VPS13D: variants seen among roughly 807,000 people sequenced by gnomAD.
VPS13D encodes the protein intermembrane lipid transfer protein VPS13D.
A neutral mutation model predicts 461.9 loss-of-function variants in VPS13D; 187 were observed. That is an observed-to-expected ratio of 0.40 (90% CI 0.36 to 0.46). VPS13D has a LOEUF of 0.46. Among genes scored for constraint, VPS13D ranks in the 20% least tolerant of loss-of-function variants. VPS13D has a pLI of 0.60. For synonymous variants in VPS13D, 1,951 were observed against 1,986.3 expected, an observed-to-expected ratio of 0.98 and a Z score of 0.47; for missense variants, 4,711 against 5,364.9, an observed-to-expected ratio of 0.88 and a Z score of 3.81.
chr1:12,396,243 G>A (rs547017768), intron 60 of VPS13D, among the ~76,000 whole-genome samples: 16 of 151,742 alleles, frequency 1.1e-4, no homozygotes, highest in African/African-American at 2.2e-4. Context: ...CTGTAGGGCC[G>A]TTGGTTTTCA....
Position 12,277,114 on chromosome 1 carries a change from C to A in VPS13D, c.3526C>A (p.Leu1176Met). The A allele has an allele frequency of 2.5e-6, 4 of 1,614,220 alleles. No homozygotes were observed. Among genetic ancestry groups the A allele is most frequent in the Non-Finnish European group, 3.4e-6 (4 of 1,180,044 alleles). Residue 1176 changes from leucine to methionine, a missense_variant, in exon 19 of 70, where the codon CTG (leucine) becomes ATG (methionine). Physicochemically the swap from Leu to Met is conservative, Grantham distance 15 (BLOSUM62 2). Around this residue, in one of 3 missense-constraint regions of VPS13D, gnomAD observed 4,411 missense variants for 4,937.8 expected, o/e 0.89. Transcript: ENST00000620676. ...AGTGGAAATCCATAGGCTGAACTTA[C>A]TGCTTCTTCGGACAGTGGGCATGGC... Reference protein sequence around the residue: ...VAVEIHRLNLLLLRTVGMANR... With the variant: ...VAVEIHRLNLMLLRTVGMANR...
At chr1:12,479,387 T>A (rs1187526114) in intron 67 of VPS13D, among the ~76,000 whole-genome samples, 9 of 152,252 alleles carry the variant, frequency 5.9e-5, no homozygotes. Context: ...TCCAGATTGC[T>A]GCTTGTCTGC....
Position 12,382,033 on chromosome 1 carries a change from CTCTT to C in VPS13D, c.11191-926_11191-923del, listed in dbSNP as rs577199939. On this transcript the variant is annotated intron_variant, in intron 57 of 69. Transcript: ENST00000620676. Reference sequence around the variant, plus strand: ...TCTTCCTTCCTTCCTTCCTTTCTTTCTCTTTCTTTCTTTCTTTCTTCCCTTTCTT... The same window carrying C: ...TCTTCCTTCCTTCCTTCCTTTCTTTCTCTTTCTTTCTTTCTTCCCTTTCTT... Among the ~76,000 whole-genome samples the C allele has an allele frequency of 2.3e-3, 322 of 142,310 alleles. 1 individual carries two copies. Among genetic ancestry groups the C allele is most frequent in the Middle Eastern group, 0.011 (3 of 262 alleles). The allele number at this position is 142,310 out of a possible 152,430, so 93.4% of individuals were successfully genotyped here. A position where few individuals can be genotyped will look rare whatever the true frequency, so the allele number is the denominator to read the frequency against.
intron 42 of VPS13D, 75 bp from the exon 43 acceptor site, chr1:12,345,299 T>G: frequency 6.6e-7 from 1 of 1,513,292 alleles, no homozygotes; most frequent in Non-Finnish European, 9.0e-7. Context: ...CTAAATCAGA[T>G]TTGTGTCTTT....
At chr1:12,438,641 A>G (rs1645091791) in intron 65 of VPS13D, among the ~76,000 whole-genome samples, 1 of 152,166 alleles carries the variant, frequency 6.6e-6, no homozygotes, top group South Asian at 2.1e-4. Context: ...CATGAAACCT[A>G]AGATCTCACC....
intron 25 of VPS13D, among the ~76,000 whole-genome samples, chr1:12,300,198 T>G (rs2101459018): frequency 7.5e-6 from 1 of 133,486 alleles, no homozygotes; most frequent in Admixed American, 9.1e-5. Flanking sequence ...ATGTGTGGCA[T>G]TTGCTTTGCT....
In VPS13D at chr1:12,267,916, C is replaced by T; in HGVS notation, c.1797C>T (p.Tyr599=). 1.2e-6 allele frequency: 2 copies of T among 1,612,934 alleles called. No individual in the cohort carries two copies. Among genetic ancestry groups the T allele is most frequent in the East Asian group, 2.2e-5 (1 of 44,822 alleles). Residue 599 remains tyrosine, a synonymous_variant, in exon 15 of 70, where the codon TAC becomes TAT. Transcript: ENST00000620676. ...CATCTGCAGACAGAAGTGATCATTACCCAGGTAATTTGTCCTATGTTGTTT... is the reference window on the plus strand; with the variant it reads ...CATCTGCAGACAGAAGTGATCATTATCCAGGTAATTTGTCCTATGTTGTTT... ...QTTSADRSDH[Y]PAADPDGPVF... is the part of the protein sequence containing the mutation.
chr1:12,428,295 A>G (rs118016713), intron 65 of VPS13D, among the ~76,000 whole-genome samples: 1 of 152,322 alleles, frequency 6.6e-6, no homozygotes, highest in East Asian at 1.9e-4. Flanking sequence ...GTCCCTGGAT[A>G]CAGGCACAGG....
At chr1:12,237,621 C>T (rs950352900) in intron 2 of VPS13D, among the ~76,000 whole-genome samples, 4 of 151,504 alleles carry the variant, frequency 2.6e-5, no homozygotes, top group African/African-American at 9.7e-5. Flanking sequence ...AAGTTCAAGA[C>T]TAGCCTGGGC....
At position 12,400,307 on chromosome 1, in the gene VPS13D, A is replaced by G. The variant is rs1395780733; in HGVS notation, c.11761A>G (p.Ser3921Gly). 22 of 1,614,008 alleles carry G rather than the reference A, an allele frequency of 1.4e-5. No homozygotes were observed. Among genetic ancestry groups the G allele is most frequent in the Non-Finnish European group, 1.9e-5 (22 of 1,180,030 alleles). ...QVNAVKFPSK[S>G]ALTNIYKHLM... ...CAACGCAGTGAAGTTCCCCAGTAAG[A>G]GTGCACTGACCAACATCTACAAGGT... The change falls in exon 61 of 70, where the codon AGT becomes GGT. Residue 3921 changes from serine to glycine, a missense_variant. Ser to Gly is a moderately conservative substitution (Grantham distance 56). Coordinates refer to ENST00000620676, the MANE Select transcript of VPS13D (RefSeq NM_015378.4).
chr1:12,417,296 T>C (rs922673935), intron 65 of VPS13D, among the ~76,000 whole-genome samples: 1 of 152,216 alleles, frequency 6.6e-6, no homozygotes, highest in Non-Finnish European at 1.5e-5. Flanking sequence ...TGGACAGTGA[T>C]GTCATTCTCC....
chr1:12,405,878 A>G (rs998149752), intron 63 of VPS13D, among the ~76,000 whole-genome samples: 4 of 152,178 alleles, frequency 2.6e-5, no homozygotes, highest in African/African-American at 9.7e-5. Flanking sequence ...ACACCTCACT[A>G]TTCCCTTCAA....
At chr1:12,353,532 C>CAAAAAAAA (rs79787458) in intron 46 of VPS13D, among the ~76,000 whole-genome samples, 1 of 36,318 alleles carries the variant, frequency 2.8e-5, no homozygotes, top group African/African-American at 1.1e-4. Flanking sequence ...GACTGCATCT[C>CAAAAAAAA]AAAAAAAAAA....
At chr1:12,274,051 G>GC (rs1015794423) in intron 18 of VPS13D, among the ~76,000 whole-genome samples, 30 of 151,880 alleles carry the variant, frequency 2.0e-4, no homozygotes, top group African/African-American at 6.8e-4. Context: ...GTTTTTGTTT[G>GC]TTTTTTTGAG....
At chr1:12,311,646 T>A in intron 28 of VPS13D, 21 bp downstream of exon 28, 1 of 1,613,076 alleles carries the variant, frequency 6.2e-7, no homozygotes, top group South Asian at 1.1e-5. Flanking sequence ...CCTTATGTTC[T>A]TCTGTCACTC....
At chr1:12,318,030 T>A in intron 30 of VPS13D, 42 bp from the exon 31 acceptor site, 1 of 1,564,972 alleles carries the variant, frequency 6.4e-7, no homozygotes, top group Non-Finnish European at 8.7e-7. Context: ...AATAACCATG[T>A]TTCTTTTTTC....
chr1:12,408,236 C>A (rs1644680044), intron 63 of VPS13D, among the ~76,000 whole-genome samples: 1 of 152,166 alleles, frequency 6.6e-6, no homozygotes, highest in Non-Finnish European at 1.5e-5. Context: ...TGTGAAAATG[C>A]ACATATTCAA....
chr1:12,273,192 A>G (rs933983782), intron 18 of VPS13D, 57 bp downstream of exon 18: 15 of 1,560,604 alleles, frequency 9.6e-6, no homozygotes, highest in Non-Finnish European at 1.0e-5. Flanking sequence ...TGATCTATCT[A>G]TGATTATCTA....
chr1:12,342,922 G>A lies in VPS13D; in HGVS notation c.8756G>A (p.Ser2919Asn). The A allele has an allele frequency of 1.9e-6, 3 of 1,613,472 alleles. 1 individual carries two copies. The South Asian group carries it at 3.3e-5, about 18-fold the overall frequency. ...AGAGCTGCACTCTCTCACAGTGGGA[G>A]TCCAGGGGTAGTTCCAGAAGGGAAC... ...PTRAALSHSG[S>N]PGVVPEGNGT... Residue 2919 changes from serine to asparagine, a missense_variant, in exon 42 of 70, where the codon AGT (serine) becomes AAT (asparagine). Physicochemically the swap from Ser to Asn is conservative, Grantham distance 46. Coordinates refer to ENST00000620676, the MANE Select transcript of VPS13D (RefSeq NM_015378.4).
Sources: gnomAD v4.1 joint callset for allele counts (sites outside exome capture counted in the v4.1 genomes callset) on GRCh38, gnomAD v4.1.1 for gene constraint, gnomAD v4.1.1 regional missense constraint, MANE v1.5 for transcripts, NCBI Gene and HGNC (gene_info 2026-07-23, HGNC 2026-07-21) for gene names.